Variants in ITSN2 observed in about 807,000 individuals in gnomAD.
ITSN2 encodes intersectin-2.
A neutral mutation model predicts 243.7 loss-of-function variants in ITSN2; 156 were observed. The observed-to-expected ratio is 0.64, with a 90% CI of 0.56 to 0.73. The LOEUF (loss-of-function observed/expected upper bound fraction) is 0.73. Among genes scored for constraint, ITSN2 ranks in the 30% least tolerant of loss-of-function variants. ITSN2 has a pLI of 0.00. For synonymous variants in ITSN2, 703 were observed against 699.9 expected (o/e 1.00, Z -0.07); for missense variants, 1,801 against 1,996.1 (o/e 0.90, Z 1.86).
intron 17 of ITSN2, among the ~76,000 whole-genome samples, chr2:24,284,262 C>T (rs1679188932): frequency 1.3e-5 from 2 of 152,180 alleles, no homozygotes; most frequent in Admixed American, 6.5e-5. Flanking sequence ...AGCCTGGTAA[C>T]TAGACCTGAC....
At chr2:24,210,993 C>G (rs1039040121) in intron 33 of ITSN2, 46 bp from the exon 34 acceptor site, 1 of 1,589,202 alleles carries the variant, frequency 6.3e-7, no homozygotes, top group Non-Finnish European at 8.6e-7. Flanking sequence ...GCGTCTCTCA[C>G]CTGCCCACCT....
chr2:24,260,425 T>C (rs954634574), intron 22 of ITSN2, among the ~76,000 whole-genome samples: 1 of 146,918 alleles, frequency 6.8e-6, no homozygotes, highest in Non-Finnish European at 1.5e-5. Flanking sequence ...AGGCTAAATA[T>C]ACGTTAAAAA....
chr2:24,317,107 G>A (rs917956805), intron 2 of ITSN2, among the ~76,000 whole-genome samples: 2 of 152,218 alleles, frequency 1.3e-5, no homozygotes, highest in Non-Finnish European at 2.9e-5. Context: ...GTGGCCGGGC[G>A]CGGTGGCTCA....
chr2:24,293,939 T>A (rs1680612046), intron 14 of ITSN2, among the ~76,000 whole-genome samples, 164 bp from the exon 15 acceptor site: 2 of 152,242 alleles, frequency 1.3e-5, no homozygotes, highest in African/African-American at 4.8e-5. Context: ...AATGGAATTA[T>A]GCCAAGAAAT....
chr2:24,355,160 A>G (rs1338505520), intron 1 of ITSN2, among the ~76,000 whole-genome samples: 2 of 152,186 alleles, frequency 1.3e-5, no homozygotes, highest in African/African-American at 4.8e-5. Context: ...TACCCAAGAG[A>G]ACTCTAACAT....
chr2:24,216,264 T>G (rs1669947404), intron 31 of ITSN2, 32 bp from the exon 32 acceptor site: 1 of 1,521,436 alleles, frequency 6.6e-7, no homozygotes, highest in South Asian at 1.3e-5. Context: ...TTTGTGTTTC[T>G]AAGTGAATGA....
intron 1 of ITSN2, among the ~76,000 whole-genome samples, chr2:24,337,668 T>C (rs1399647622): frequency 2.4e-4 from 34 of 141,184 alleles, no homozygotes; most frequent in African/African-American, 6.8e-4. Context: ...TTTTTTTTTT[T>C]CTAGAGACAT....
chr2:24,222,702 T>C (rs1573907639), intron 29 of ITSN2, among the ~76,000 whole-genome samples: 1 of 131,048 alleles, frequency 7.6e-6, no homozygotes, highest in Non-Finnish European at 1.6e-5. Flanking sequence ...GGAGACAGAG[T>C]CTCCCTGTGT....
chr2:24,336,933 G>A lies in ITSN2; in HGVS notation c.-33-8818C>T, dbSNP rs549185646. 1.9e-3 allele frequency among the ~76,000 whole-genome samples: 294 copies of A among 152,140 alleles called. 2 individuals carry two copies. The highest frequency in any genetic ancestry group is 3.2e-3 in the Non-Finnish European group (219 of 68,012). ...AAAAAGATGTGAATAAAGCAAGCAG[G>A]GAGAGGCAACGATGAACTGAATATA... On this transcript the variant is annotated intron_variant, in intron 1 of 39. Transcript: ENST00000355123.
At chr2:24,212,854 T>G (rs1308857224) in intron 32 of ITSN2, 106 bp from the exon 33 acceptor site, 3 of 937,540 alleles carry the variant, frequency 3.2e-6, no homozygotes, top group Non-Finnish European at 5.1e-6. Context: ...TTATTTATGT[T>G]TCTCCCTGTC....
At chr2:24,357,518 G>A (rs1296611961) in intron 1 of ITSN2, among the ~76,000 whole-genome samples, 1 of 152,024 alleles carries the variant, frequency 6.6e-6, no homozygotes, top group Non-Finnish European at 1.5e-5. Context: ...GGGTGAATAG[G>A]TGCAGCAAAC....
chr2:24,258,065 T>A lies in ITSN2; in HGVS notation c.2711A>T (p.Gln904Leu), dbSNP rs373121938. ...QGQVVENLKA[Q>L]ALCSWTAKKD... ...CTTTGCAGTCCAGGAACAAAGGGCCTGTGCTTTTAAGTTTTCTACCACTTG... is the reference window on the plus strand; with the variant it reads ...CTTTGCAGTCCAGGAACAAAGGGCCAGTGCTTTTAAGTTTTCTACCACTTG... Residue 904 changes from glutamine to leucine, a missense_variant, in exon 23 of 40, where the codon CAG (glutamine) becomes CTG (leucine). Physicochemically the swap from Gln to Leu is moderately radical, Grantham distance 113 (BLOSUM62 -2). Coordinates refer to ENST00000355123, the MANE Select transcript of ITSN2 (RefSeq NM_006277.3). 8.7e-6 allele frequency: 14 copies of A among 1,614,014 alleles called. No individual in the cohort carries two copies. The African/African-American group carries it at 1.7e-4, about 20-fold the overall frequency.
At chr2:24,269,908 C>T (rs552183046) in intron 20 of ITSN2, among the ~76,000 whole-genome samples, 2 of 152,270 alleles carry the variant, frequency 1.3e-5, no homozygotes, top group East Asian at 1.9e-4. Flanking sequence ...TCCCCCTGCT[C>T]GGGCACAGCT....
intron 2 of ITSN2, among the ~76,000 whole-genome samples, chr2:24,323,922 G>A (rs1410295406): frequency 2.0e-5 from 3 of 152,182 alleles, no homozygotes; most frequent in Non-Finnish European, 2.9e-5. Flanking sequence ...AGTCTGAAGA[G>A]TTTGGTTAAG....
chr2:24,357,542 G>A (rs977553769), intron 1 of ITSN2, among the ~76,000 whole-genome samples: 1 of 151,990 alleles, frequency 6.6e-6, no homozygotes, highest in Non-Finnish European at 1.5e-5. Flanking sequence ...CACGGTGCAC[G>A]TATACCTATG....
rs1573825747 is a variant in ITSN2, at chr2:24,203,418, A to C, written c.*208T>G. ...GAACATGTGAACACTAGGACAAGGC[A>C]CTGTACTATGGGGTTTGGTTTCTTT... On this transcript the variant is annotated 3_prime_UTR_variant, in exon 40 of 40. Coordinates refer to ENST00000355123, the MANE Select transcript of ITSN2 (RefSeq NM_006277.3). 6 of 504,628 alleles carry C rather than the reference A, an allele frequency of 1.2e-5. No homozygotes were observed. Among genetic ancestry groups the C allele is most frequent in the Non-Finnish European group, 2.1e-5 (6 of 284,376 alleles). 31.3% of individuals were successfully genotyped at this position (504,628 alleles called of 1,614,324 possible). A position where few individuals can be genotyped will look rare whatever the true frequency, so the allele number is the denominator to read the frequency against.
chr2:24,313,355 C>A (rs1683499182), intron 4 of ITSN2, 105 bp downstream of exon 4: 31 of 875,136 alleles, frequency 3.5e-5, no homozygotes, highest in Non-Finnish European at 5.3e-5. Context: ...CAGAAATATT[C>A]TTAATAACCA....
chr2:24,208,342 C>T (rs760683046), intron 36 of ITSN2, 23 bp from the exon 37 acceptor site: 11 of 1,597,782 alleles, frequency 6.9e-6, no homozygotes, highest in Middle Eastern at 1.7e-4. Context: ...CAGGGGCAGC[C>T]GTTGGCCGCA....
intron 8 of ITSN2, among the ~76,000 whole-genome samples, chr2:24,307,144 G>A (rs929841155): frequency 1.3e-5 from 2 of 152,124 alleles, no homozygotes; most frequent in Non-Finnish European, 2.9e-5. Context: ...GTACAAAGAA[G>A]TTAATTTTTT....
Sources: gnomAD v4.1 joint callset for allele counts (sites outside exome capture counted in the v4.1 genomes callset) on GRCh38, gnomAD v4.1.1 for gene constraint, MANE v1.5 for transcripts, NCBI Gene and HGNC (gene_info 2026-07-23, HGNC 2026-07-21) for gene names.